The following TSPAN18 variants were observed in gnomAD, a reference collection of about 807,000 sequenced individuals.
TSPAN18 encodes the protein tetraspanin-18.
In TSPAN18, 14 loss-of-function variants were observed where a neutral mutation model predicts 27.3. The ratio of observed to expected loss-of-function variants is 0.51; its 90% CI spans 0.34 to 0.80. The LOEUF is 0.80. TSPAN18 is among the 30% of genes least tolerant of loss of function. TSPAN18 has a pLI of 0.01. For synonymous variants in TSPAN18, 143 were observed against 136.5 expected (o/e 1.05, Z -0.33); for missense variants, 268 against 323.9 (o/e 0.83, Z 1.32).
intron 1 of TSPAN18, among the ~76,000 whole-genome samples, chr11:44,727,947 T>G (rs1216746902): frequency 6.6e-6 from 1 of 151,768 alleles, no homozygotes; most frequent in Non-Finnish European, 1.5e-5. Flanking sequence ...GTTGGGACGG[T>G]GCTCGGCTCG....
At chr11:44,916,385 G>A (rs1322192049) in intron 5 of TSPAN18, among the ~76,000 whole-genome samples, 2 of 152,190 alleles carry the variant, frequency 1.3e-5, no homozygotes, top group Non-Finnish European at 1.5e-5. Context: ...AGCCCACAGA[G>A]CATCTGTGAG....
chr11:44,779,181 G>A (rs1033144690), intron 2 of TSPAN18, among the ~76,000 whole-genome samples: 1 of 152,010 alleles, frequency 6.6e-6, no homozygotes, highest in Admixed American at 6.6e-5. Context: ...TTCTAGGTGC[G>A]CATGTTCCTC....
chr11:44,921,003 G>A (rs1860112760), intron 8 of TSPAN18, among the ~76,000 whole-genome samples: 1 of 152,238 alleles, frequency 6.6e-6, no homozygotes, highest in African/African-American at 2.4e-5. Flanking sequence ...AGGTGACAGT[G>A]AGCAGAGGCC....
chr11:44,848,681 G>A (rs767082365), intron 2 of TSPAN18, among the ~76,000 whole-genome samples: 3 of 152,342 alleles, frequency 2.0e-5, no homozygotes, highest in East Asian at 3.9e-4. Flanking sequence ...AGAGGCCAGC[G>A]GCACCCAGGG....
At chr11:44,796,894 G>T (rs892925323) in intron 2 of TSPAN18, among the ~76,000 whole-genome samples, 2 of 152,154 alleles carry the variant, frequency 1.3e-5, no homozygotes, top group African/African-American at 4.8e-5. Flanking sequence ...GGTTTAGAGG[G>T]TATGTTCAGA....
chr11:44,818,171 T>G (rs1449160186), intron 2 of TSPAN18, among the ~76,000 whole-genome samples: 1 of 152,230 alleles, frequency 6.6e-6, no homozygotes, highest in Non-Finnish European at 1.5e-5. Context: ...TGCAAATGGC[T>G]AGGTGGGTGA....
intron 2 of TSPAN18, among the ~76,000 whole-genome samples, chr11:44,827,175 G>A (rs996860622): frequency 6.6e-6 from 1 of 152,234 alleles, no homozygotes; most frequent in Non-Finnish European, 1.5e-5. Context: ...GGGCCTGATG[G>A]TTTTCTGGCT....
At chr11:44,807,624 G>A (rs959598693) in intron 2 of TSPAN18, among the ~76,000 whole-genome samples, 1 of 152,034 alleles carries the variant, frequency 6.6e-6, no homozygotes, top group African/African-American at 2.4e-5. Context: ...TATTCAGTGG[G>A]TGTGGGTATT....
At chr11:44,831,542 G>T (rs186911578) in intron 2 of TSPAN18, among the ~76,000 whole-genome samples, 1 of 152,326 alleles carries the variant, frequency 6.6e-6, no homozygotes, top group East Asian at 1.9e-4. Context: ...CACTGTGCTT[G>T]TTTACACGGC....
At chr11:44,895,336 A>T (rs996760075) in intron 3 of TSPAN18, among the ~76,000 whole-genome samples, 1 of 152,200 alleles carries the variant, frequency 6.6e-6, no homozygotes, top group African/African-American at 2.4e-5. Flanking sequence ...TGGTACTGTG[A>T]ATTCTTACAA....
At chr11:44,853,397 A>C (rs1857651672) in intron 2 of TSPAN18, among the ~76,000 whole-genome samples, 1 of 152,176 alleles carries the variant, frequency 6.6e-6, no homozygotes, top group Non-Finnish European at 1.5e-5. Flanking sequence ...AAGGCCCATA[A>C]GTCTGGGAGA....
At chr11:44,732,553 C>A (rs1002931418) in intron 1 of TSPAN18, among the ~76,000 whole-genome samples, 1 of 152,180 alleles carries the variant, frequency 6.6e-6, no homozygotes, top group African/African-American at 2.4e-5. Context: ...CCCCTCCTCC[C>A]CACCTTTGAT....
intron 2 of TSPAN18, among the ~76,000 whole-genome samples, chr11:44,775,343 C>T (rs986636327): frequency 1.4e-4 from 21 of 152,180 alleles, no homozygotes; most frequent in East Asian, 5.8e-4. Context: ...TCTTTTTGCA[C>T]GTGTGTAGTC....
intron 4 of TSPAN18, among the ~76,000 whole-genome samples, chr11:44,907,756 CCAA>C (rs1478066574): frequency 1.3e-5 from 2 of 152,202 alleles, no homozygotes; most frequent in South Asian, 4.2e-4. Context: ...GTGCGGGAGA[CCAA>C]CGAGAGAGAC....
chr11:44,779,252 A>G (rs943226722), intron 2 of TSPAN18, among the ~76,000 whole-genome samples: 4 of 152,138 alleles, frequency 2.6e-5, no homozygotes, highest in African/African-American at 9.7e-5. Context: ...AGGTCATGTC[A>G]AGTGAGATCA....
chr11:44,834,681 A>G (rs1289771465), intron 2 of TSPAN18, among the ~76,000 whole-genome samples: 1 of 144,698 alleles, frequency 6.9e-6, no homozygotes, highest in Non-Finnish European at 1.6e-5. Context: ...TAACCTGGTC[A>G]TGTTGCTAAA....
chr11:44,887,999 G>A (rs954950067), intron 3 of TSPAN18, among the ~76,000 whole-genome samples: 6 of 152,202 alleles, frequency 3.9e-5, no homozygotes, highest in Non-Finnish European at 7.3e-5. Context: ...CCAGGCCCTG[G>A]TGGGGATGCA....
At chr11:44,904,665 G>T (rs1166265690) in intron 3 of TSPAN18, among the ~76,000 whole-genome samples, 2 of 152,216 alleles carry the variant, frequency 1.3e-5, no homozygotes, top group African/African-American at 4.8e-5. Flanking sequence ...CCAAAATGCA[G>T]CCTGGAGTGG....
chr11:44,854,795 C>A (rs1284047838), intron 2 of TSPAN18, among the ~76,000 whole-genome samples: 1 of 152,208 alleles, frequency 6.6e-6, no homozygotes, highest in Admixed American at 6.5e-5. Flanking sequence ...TGTCTCTCTG[C>A]TTCCTGGTCT....
Sources: allele counts gnomAD v4.1 joint callset (sites outside exome capture counted in the v4.1 genomes callset), GRCh38; gene constraint gnomAD v4.1.1; transcripts MANE v1.5; gene names NCBI Gene and HGNC (gene_info 2026-07-23, HGNC 2026-07-21).